PRMT8: variants seen among roughly 807,000 people sequenced by gnomAD.
The protein encoded by PRMT8 is protein arginine N-methyltransferase 8.
In PRMT8, 7 loss-of-function variants were observed where a neutral mutation model predicts 47.1. The ratio of observed to expected loss-of-function variants is 0.15; its 90% confidence interval spans 0.08 to 0.28. The LOEUF (loss-of-function observed/expected upper bound fraction) is 0.28. Ranked by LOEUF, PRMT8 falls within the 10% of genes least tolerant of loss-of-function variation. PRMT8 has a pLI of 1.00. For synonymous variants in PRMT8, 188 were observed against 186.5 expected, an observed-to-expected ratio of 1.01 and a Z score of -0.07; for missense variants, 237 against 505.4, an observed-to-expected ratio of 0.47 and a Z score of 5.09.
chr12:3,466,099 G>A (rs146136081), intron 1 of PRMT8, among the ~76,000 whole-genome samples: 1 of 152,324 alleles, frequency 6.6e-6, no homozygotes, highest in East Asian at 1.9e-4. Context: ...GGAGGAGGAA[G>A]GTGACGCTGC....
At chr12:3,391,805 A>G (rs1444088284) in intron 1 of PRMT8, among the ~76,000 whole-genome samples, 1 of 152,218 alleles carries the variant, frequency 6.6e-6, no homozygotes, top group Non-Finnish European at 1.5e-5. Context: ...CAAATGAATG[A>G]GCACATGAAA....
intron 8 of PRMT8, among the ~76,000 whole-genome samples, chr12:3,585,686 T>C (rs758692901): frequency 6.6e-6 from 1 of 152,096 alleles, no homozygotes; most frequent in Non-Finnish European, 1.5e-5. Context: ...ATTACTAAGA[T>C]TGGGACTTTT....
chr12:3,578,445 A>G (rs1866990535), intron 7 of PRMT8, among the ~76,000 whole-genome samples: 1 of 152,034 alleles, frequency 6.6e-6, no homozygotes, highest in Non-Finnish European at 1.5e-5. Context: ...GCTGGTCTCA[A>G]ACTCCTGGGC....
intron 1 of PRMT8, among the ~76,000 whole-genome samples, chr12:3,523,745 C>G (rs1865914787): frequency 6.6e-6 from 1 of 152,166 alleles, no homozygotes; most frequent in African/African-American, 2.4e-5. Flanking sequence ...TGGCTCTGTA[C>G]TAAAACAGAA....
chr12:3,495,708 G>A (rs1865494322), intron 1 of PRMT8, among the ~76,000 whole-genome samples: 1 of 152,174 alleles, frequency 6.6e-6, no homozygotes, highest in Non-Finnish European at 1.5e-5. Flanking sequence ...AGTAATAAAT[G>A]TTAATAAATG....
At chr12:3,402,457 A>G (rs1864327170) in intron 1 of PRMT8, among the ~76,000 whole-genome samples, 1 of 152,240 alleles carries the variant, frequency 6.6e-6, no homozygotes, top group South Asian at 2.1e-4. Context: ...AATTGCAACA[A>G]AAGCAAAAAT....
intron 1 of PRMT8, among the ~76,000 whole-genome samples, chr12:3,466,382 G>C (rs1406177775): frequency 6.6e-6 from 1 of 152,200 alleles, no homozygotes; most frequent in Non-Finnish European, 1.5e-5. Flanking sequence ...CTTTTGTTCA[G>C]AACCCCGGCC....
At chr12:3,574,752 A>G (rs905551344) in intron 6 of PRMT8, among the ~76,000 whole-genome samples, 2 of 152,258 alleles carry the variant, frequency 1.3e-5, no homozygotes, top group African/African-American at 4.8e-5. Context: ...AAGATTACAC[A>G]GCAAATACGT....
intron 1 of PRMT8, among the ~76,000 whole-genome samples, chr12:3,454,568 G>A (rs1864954340): frequency 6.6e-6 from 1 of 152,096 alleles, no homozygotes; most frequent in Non-Finnish European, 1.5e-5. Flanking sequence ...GGAAGACGGG[G>A]CGGGCAAGAG....
chr12:3,512,741 A>G (rs1436852569), intron 1 of PRMT8, among the ~76,000 whole-genome samples: 1 of 152,212 alleles, frequency 6.6e-6, no homozygotes, highest in African/African-American at 2.4e-5. Context: ...ACTGCAGCAC[A>G]ATGCCTGGCC....
At chr12:3,547,676 T>A (rs1157207976) in intron 2 of PRMT8, among the ~76,000 whole-genome samples, 1 of 152,080 alleles carries the variant, frequency 6.6e-6, no homozygotes. Context: ...AAAAGATAAA[T>A]TTTTTTGAAA....
intron 2 of PRMT8, among the ~76,000 whole-genome samples, chr12:3,544,750 G>A (rs779712119): frequency 4.6e-5 from 7 of 152,172 alleles, no homozygotes; most frequent in Non-Finnish European, 7.4e-5. Context: ...GATACCATAC[G>A]GATGTTTCTT....
chr12:3,579,984 G>A (rs1867025253), intron 7 of PRMT8, among the ~76,000 whole-genome samples: 1 of 152,080 alleles, frequency 6.6e-6, no homozygotes, highest in Non-Finnish European at 1.5e-5. Flanking sequence ...GAGGGGCTGG[G>A]CTCTGGGGAG....
intron 1 of PRMT8, among the ~76,000 whole-genome samples, chr12:3,395,190 G>GT (rs1158099736): frequency 4.0e-5 from 6 of 150,446 alleles, no homozygotes; most frequent in African/African-American, 7.3e-5. Flanking sequence ...TTTTTGAAGG[G>GT]TTTTTTGTGT....
At position 3,522,449 on chromosome 12, in the gene PRMT8, A is replaced by G. The variant is rs552101004; in HGVS notation, c.76-18157A>G. On this transcript the variant is annotated intron_variant, in intron 1 of 9. Coordinates refer to ENST00000382622, the MANE Select transcript of PRMT8 (RefSeq NM_019854.5). ...GGGAGGCCGAGGTGGGAGGATCACAAGGTCAGGAGTTCGAGACCAGCCTGG... is the reference window on the plus strand; with the variant it reads ...GGGAGGCCGAGGTGGGAGGATCACAGGGTCAGGAGTTCGAGACCAGCCTGG... 2.0e-4 allele frequency among the ~76,000 whole-genome samples: 30 copies of G among 152,206 alleles called. No individual in the cohort carries two copies. In the East Asian group the frequency reaches 5.2e-3, roughly 26 times the overall value.
intron 1 of PRMT8, among the ~76,000 whole-genome samples, chr12:3,442,098 A>G (rs1322612014): frequency 6.6e-6 from 1 of 152,214 alleles, no homozygotes; most frequent in East Asian, 1.9e-4. Context: ...AATTCTTAAC[A>G]TAACTAAAAA....
In PRMT8 at chr12:3,580,518, A is replaced by C. The variant is rs10491968; in HGVS notation, c.829-2540A>C. The stretch of plus-strand genomic sequence containing the variant: ...GCCTAGGCAAAGAAGTAAGTCTTCA[A>C]GCAGGGAGACCTGTTCTGAGAAGAA... On this transcript the variant is annotated intron_variant, in intron 7 of 9. Transcript: ENST00000382622. This position sits in a 1 kb window ranked among gnomAD's most constrained non-coding sequence, Gnocchi z 4.6. Among the ~76,000 whole-genome samples the C allele has an allele frequency of 0.12, 18,844 of 152,232 alleles. 1,360 individuals are homozygous for C. The highest frequency in any genetic ancestry group is 0.28 in the Middle Eastern group (82 of 294).
At chr12:3,547,488 T>C (rs1183445508) in intron 2 of PRMT8, among the ~76,000 whole-genome samples, 1 of 151,828 alleles carries the variant, frequency 6.6e-6, no homozygotes, top group Non-Finnish European at 1.5e-5. Context: ...AATAAAATAG[T>C]TGAATGGGGC....
intron 1 of PRMT8, among the ~76,000 whole-genome samples, chr12:3,450,406 T>C (rs1565410821): frequency 1.3e-5 from 2 of 152,236 alleles, no homozygotes; most frequent in Non-Finnish European, 2.9e-5. Context: ...AGAAATTACA[T>C]TTGTTAACCT....
Sources: gnomAD v4.1 joint callset for allele counts (sites outside exome capture counted in the v4.1 genomes callset) on GRCh38, gnomAD v4.1.1 for gene constraint, Gnocchi (gnomAD v3.1) non-coding constraint, MANE v1.5 for transcripts, NCBI Gene and HGNC (gene_info 2026-07-23, HGNC 2026-07-21) for gene names.